Variants in NKAIN2 observed in about 807,000 individuals in gnomAD.
NKAIN2 encodes sodium/potassium transporting ATPase interacting 2, also known as sodium/potassium-transporting ATPase subunit beta-1-interacting protein 2.
A neutral mutation model predicts 32.6 loss-of-function variants in NKAIN2; 14 were observed. That is an observed-to-expected ratio of 0.43 (90% CI 0.28 to 0.67). The LOEUF is 0.67. Ranked by LOEUF, NKAIN2 falls within the 30% of genes least tolerant of loss-of-function variation. NKAIN2 has a pLI of 0.17. For missense variants in NKAIN2, 198 were observed against 258.3 expected (o/e 0.77, Z 1.60); for synonymous variants, 80 against 87.2 (o/e 0.92, Z 0.46).
rs74587306 is a variant in NKAIN2, at chr6:124,488,076, T to C, written c.273+132729T>C. 6.4e-3 allele frequency among the ~76,000 whole-genome samples: 974 copies of C among 152,186 alleles called. 8 individuals are homozygous for C. Among genetic ancestry groups the C allele is most frequent in the South Asian group, 0.019 (91 of 4,826 alleles). ...CATATATAGTGCATTGTGCATCACTTCAGTTGAGAGAAAAGTATGACTAAT... is the reference window on the plus strand; with the variant it reads ...CATATATAGTGCATTGTGCATCACTCCAGTTGAGAGAAAAGTATGACTAAT... On this transcript the variant is annotated intron_variant, in intron 3 of 6. Transcript: ENST00000368417.
intron 1 of NKAIN2, among the ~76,000 whole-genome samples, chr6:123,974,541 A>C (rs905196155): frequency 6.6e-6 from 1 of 152,194 alleles, no homozygotes; most frequent in Non-Finnish European, 1.5e-5. Flanking sequence ...GATTCTGTGA[A>C]TAACAAGAGA....
chr6:124,681,877 C>A (rs1542557), intron 4 of NKAIN2, among the ~76,000 whole-genome samples: 28,134 of 151,774 alleles, frequency 0.19, 2,859 homozygotes, highest in East Asian at 0.34. Flanking sequence ...TTTAAGAGAT[C>A]ATTTAAATGC....
At chr6:124,672,322 G>A (rs1276040061) in intron 4 of NKAIN2, among the ~76,000 whole-genome samples, 1 of 152,020 alleles carries the variant, frequency 6.6e-6, no homozygotes, top group Non-Finnish European at 1.5e-5. Flanking sequence ...GTTGTCTACA[G>A]GAGTGTCCAA....
At chr6:124,252,378 C>T (rs1793726219) in intron 1 of NKAIN2, among the ~76,000 whole-genome samples, 1 of 151,966 alleles carries the variant, frequency 6.6e-6, no homozygotes, top group African/African-American at 2.4e-5. Flanking sequence ...GCGATACAGA[C>T]ATAGGTGCTA....
rs892561845 is a variant in NKAIN2 at position 124,347,561 on chromosome 6, C to T, written c.193-7706C>T. 5.9e-5 allele frequency among the ~76,000 whole-genome samples: 9 copies of T among 152,058 alleles called. No homozygotes were observed. In the South Asian group the frequency reaches 1.5e-3, roughly 25 times the overall value. On this transcript the variant is annotated intron_variant, in intron 2 of 6. Coordinates refer to ENST00000368417, the MANE Select transcript of NKAIN2 (RefSeq NM_001040214.3). ...TTTTATTCTTTTTTCTCTAAACTTC[C>T]CTTCTCACTTCATTTCATTCATTTC...
chr6:124,699,541 T>C (rs1434325281), intron 4 of NKAIN2, among the ~76,000 whole-genome samples: 1 of 152,152 alleles, frequency 6.6e-6, no homozygotes, highest in Non-Finnish European at 1.5e-5. Flanking sequence ...ATAAATGGTT[T>C]AGTGCCATTC....
chr6:124,304,018 T>G (rs961391368), intron 2 of NKAIN2, among the ~76,000 whole-genome samples: 5 of 152,288 alleles, frequency 3.3e-5, no homozygotes, highest in Non-Finnish European at 7.4e-5. Context: ...AGTTTTGGCA[T>G]GGAGATGATG....
chr6:123,917,564 G>A (rs1775558659), intron 1 of NKAIN2, among the ~76,000 whole-genome samples: 2 of 152,154 alleles, frequency 1.3e-5, no homozygotes, highest in South Asian at 2.1e-4. Flanking sequence ...AGGGCCAGGT[G>A]TAACCTGCAT....
At chr6:124,401,100 T>G (rs189764187) in intron 3 of NKAIN2, among the ~76,000 whole-genome samples, 1 of 152,204 alleles carries the variant, frequency 6.6e-6, no homozygotes, top group Non-Finnish European at 1.5e-5. Context: ...TTACAAAATA[T>G]GTATCCCTTT....
intron 1 of NKAIN2, among the ~76,000 whole-genome samples, chr6:124,101,076 C>T (rs1784866253): frequency 6.6e-6 from 1 of 152,076 alleles, no homozygotes; most frequent in Admixed American, 6.5e-5. Context: ...GTTCAATACC[C>T]AACAATGCAT....
chr6:124,394,654 A>G (rs1033149879), intron 3 of NKAIN2, among the ~76,000 whole-genome samples: 2 of 116,426 alleles, frequency 1.7e-5, no homozygotes, highest in African/African-American at 3.8e-5. Context: ...CAAATGGCAG[A>G]AAAAAAAAAA....
At chr6:124,804,480 C>T in intron 5 of NKAIN2, 1 of 952,662 alleles carries the variant, frequency 1.0e-6, no homozygotes, top group Non-Finnish European at 1.2e-6. Context: ...AATGTGTTAC[C>T]AAGCTTAAAA....
intron 4 of NKAIN2, among the ~76,000 whole-genome samples, chr6:124,739,791 A>G (rs992880165): frequency 2.6e-5 from 4 of 151,924 alleles, no homozygotes; most frequent in African/African-American, 9.7e-5. Context: ...TCATGATTCA[A>G]AAACAGCCCG....
At chr6:123,905,255 G>GTC (rs1009620879) in intron 1 of NKAIN2, among the ~76,000 whole-genome samples, 1 of 151,904 alleles carries the variant, frequency 6.6e-6, no homozygotes, top group Non-Finnish European at 1.5e-5. Context: ...GAACTCCCTT[G>GTC]TCCCTCCAAG....
At chr6:123,860,885 C>G (rs1266501395) in intron 1 of NKAIN2, among the ~76,000 whole-genome samples, 1 of 152,182 alleles carries the variant, frequency 6.6e-6, no homozygotes, top group Non-Finnish European at 1.5e-5. Flanking sequence ...TTTGAGAAAG[C>G]CTACCAGAAA....
chr6:124,578,672 A>G (rs908057611), intron 3 of NKAIN2, among the ~76,000 whole-genome samples: 11 of 151,792 alleles, frequency 7.2e-5, no homozygotes, highest in Non-Finnish European at 1.5e-4. Context: ...AGAAAACGGC[A>G]TGGCTAGTTT....
At chr6:124,080,490 G>T (rs1272321491) in intron 1 of NKAIN2, among the ~76,000 whole-genome samples, 2 of 151,986 alleles carry the variant, frequency 1.3e-5, no homozygotes, top group African/African-American at 4.8e-5. Context: ...TTGCTTGTGT[G>T]TCTTAAATAT....
At chr6:124,766,373 C>T (rs1778516132) in intron 4 of NKAIN2, among the ~76,000 whole-genome samples, 1 of 152,156 alleles carries the variant, frequency 6.6e-6, no homozygotes, top group Non-Finnish European at 1.5e-5. Context: ...GTAAGAAGTC[C>T]TCAGGGTGTG....
chr6:124,565,586 C>A (rs968709487), intron 3 of NKAIN2, among the ~76,000 whole-genome samples: 1 of 152,144 alleles, frequency 6.6e-6, no homozygotes, highest in African/African-American at 2.4e-5. Context: ...TGATTCCGTG[C>A]GAAACACCAC....
Sources: gnomAD v4.1 joint callset for allele counts (sites outside exome capture counted in the v4.1 genomes callset) on GRCh38, gnomAD v4.1.1 for gene constraint, MANE v1.5 for transcripts, NCBI Gene and HGNC (gene_info 2026-07-23, HGNC 2026-07-21) for gene names.